The following ABCC3 variants were observed in gnomAD, a reference collection of about 807,000 sequenced individuals.
ABCC3 encodes ATP binding cassette subfamily C member 3.
ABCC3 carries 121 observed loss-of-function variants against 165.3 expected under a neutral mutation model. That is an observed-to-expected ratio of 0.73 (90% CI 0.63 to 0.85). The LOEUF (loss-of-function observed/expected upper bound fraction) is 0.85, where lower values mean the gene tolerates loss of function less well. Ranked by LOEUF, ABCC3 falls within the 40% of genes least tolerant of loss-of-function variation. The probability of loss-of-function intolerance (pLI) is 0.00; values close to 1 mark genes in which losing one functional copy is unlikely to be tolerated. For synonymous variants in ABCC3, 733 were observed against 810.1 expected (o/e 0.90, Z 1.62); for missense variants, 1,869 against 1,964.1 (o/e 0.95, Z 0.92).
chr17:50,664,139 C>T (rs569694504), intron 10 of ABCC3, 28 bp downstream of exon 10: 2 of 1,612,158 alleles, frequency 1.2e-6, no homozygotes, highest in South Asian at 2.2e-5. Flanking sequence ...ACCTCTGCCT[C>T]CTTCCTCTGA....
At position 50,676,886 on chromosome 17, in the gene ABCC3, TGGGG is replaced by T. The variant is rs3063105; in HGVS notation, c.3378+307_3378+310del. ...GACTTTCCTGTTGGCTTTTTTTTTT[TGGGG>T]GGGGGGGGACGGAATCTCGAGTCTC... On this transcript the variant is annotated intron_variant, in intron 23 of 30. Coordinates refer to ENST00000285238, the MANE Select transcript of ABCC3 (RefSeq NM_003786.4). Among the ~76,000 whole-genome samples the T allele has an allele frequency of 1.4e-3, 162 of 113,702 alleles. 2 individuals carry two copies. The highest frequency in any genetic ancestry group is 4.5e-3 in the Middle Eastern group (1 of 220). 74.6% of individuals were successfully genotyped at this position (113,702 alleles called of 152,430 possible).
Position 50,687,689 on chromosome 17 carries a change from G to A in ABCC3, c.4434G>A (p.Leu1478=). The change falls in exon 30 of 31, where the codon CTG becomes CTA. Residue 1478 remains leucine, a synonymous_variant. Coordinates refer to ENST00000285238, the MANE Select transcript of ABCC3 (RefSeq NM_003786.4). Reference sequence around the variant, plus strand: ...CCCAGTTTGATACCTGCACTGTCCTGACCATCGCACACCGGCTTAACACTA... The same window carrying A: ...CCCAGTTTGATACCTGCACTGTCCTAACCATCGCACACCGGCTTAACACTA... The part of the protein sequence containing the change: ...IRTQFDTCTV[L]TIAHRLNTIM... 1 of 1,614,220 alleles carries A rather than the reference G, an allele frequency of 6.2e-7. No homozygotes were observed. Among genetic ancestry groups the A allele is most frequent in the Non-Finnish European group, 8.5e-7 (1 of 1,180,042 alleles).
chr17:50,683,680 A>C lies in ABCC3; in HGVS notation c.3878A>C (p.Asn1293Thr). 6.2e-7 allele frequency: 1 copy of C among 1,605,922 alleles called. No homozygotes were observed. Among genetic ancestry groups the C allele is most frequent in the Non-Finnish European group, 8.5e-7 (1 of 1,176,206 alleles). ...CCACGTGGGGAGGTGGAGTTCCGGA[A>C]TTATTCTGTGCGCTACCGGCCGGGC... is the stretch of plus-strand genomic sequence containing the variant. ...WPPRGEVEFR[N>T]YSVRYRPGLD... The change falls in exon 27 of 31, where the codon AAT (asparagine) becomes ACT (threonine). Residue 1293 changes from asparagine (N) to threonine (T), a missense_variant. By Grantham distance (65) the Asn-to-Thr change is moderately conservative (BLOSUM62 0). Coordinates refer to ENST00000285238, the MANE Select transcript of ABCC3 (RefSeq NM_003786.4).
At chr17:50,659,504 T>C in intron 7 of ABCC3, 136 bp downstream of exon 7, 1 of 1,057,534 alleles carries the variant, frequency 9.5e-7, no homozygotes. Context: ...CTTGGCAGCC[T>C]CGGGACCATT....
chr17:50,672,921 C>G (rs34925102), intron 17 of ABCC3, 50 bp from the exon 18 acceptor site: 1 of 1,549,588 alleles, frequency 6.5e-7, no homozygotes, highest in Non-Finnish European at 8.8e-7. Context: ...AGGCCGTTGT[C>G]TCCCTGTGCC....
At chr17:50,655,404 C>CAAAAA (rs58586394) in intron 1 of ABCC3, among the ~76,000 whole-genome samples, 1,154 of 56,402 alleles carry the variant, frequency 0.02, 146 homozygotes, top group African/African-American at 0.033. Flanking sequence ...GACTCTGTCT[C>CAAAAA]AAAAAAAAAA....
At chr17:50,668,803 C>T (rs758114900) in intron 14 of ABCC3, 50 bp from the exon 15 acceptor site, 12 of 1,529,298 alleles carry the variant, frequency 7.8e-6, no homozygotes, top group Non-Finnish European at 1.1e-5. Context: ...CTGCAGGCTA[C>T]CCCATCCCTT....
rs565220738 is a variant in ABCC3, at chr17:50,656,982, G to A, written c.349-64G>A. 3 of 1,570,502 alleles carry A rather than the reference G, an allele frequency of 1.9e-6. No homozygotes were observed. In the East Asian group the frequency reaches 6.7e-5, roughly 35 times the overall value. ...AGAAACTTCTGGCCATGTGGGATGG[G>A]GAGAAATGGAGGCAGGTCCAGATGT... On this transcript the variant is annotated intron_variant, in intron 3 of 30. Coordinates refer to ENST00000285238, the MANE Select transcript of ABCC3 (RefSeq NM_003786.4).
Position 50,683,675 on chromosome 17 carries a change from C to G in ABCC3, c.3873C>G (p.Phe1291Leu). The G allele has an allele frequency of 1.9e-6, 3 of 1,604,292 alleles. No individual in the cohort carries two copies. Among genetic ancestry groups the G allele is most frequent in the Non-Finnish European group, 2.6e-6 (3 of 1,175,162 alleles). Reference protein sequence around the residue: ...EGWPPRGEVEFRNYSVRYRPG... With the variant: ...EGWPPRGEVELRNYSVRYRPG... ...GGCCCCCACGTGGGGAGGTGGAGTTCCGGAATTATTCTGTGCGCTACCGGC... is the reference window on the plus strand; with the variant it reads ...GGCCCCCACGTGGGGAGGTGGAGTTGCGGAATTATTCTGTGCGCTACCGGC... Residue 1291 changes from phenylalanine (F) to leucine (L), a missense_variant, in exon 27 of 31, where the codon TTC becomes TTG. Phe to Leu is a conservative substitution (Grantham distance 22, BLOSUM62 0). Coordinates refer to ENST00000285238, the MANE Select transcript of ABCC3 (RefSeq NM_003786.4).
rs1174780537 is a variant in ABCC3 at position 50,635,303 on chromosome 17, C to T, written c.45+322C>T. ...CTGGGTGAGTCGGCTCCATCCCAGC[C>T]CCTCCGTCGGGTGCGGAAGGGGCGT... On this transcript the variant is annotated intron_variant, in intron 1 of 30. Transcript: ENST00000285238. 3 of 626,170 alleles carry T rather than the reference C, an allele frequency of 4.8e-6. No individual in the cohort carries two copies. The Admixed American group carries it at 7.5e-5, about 16-fold the overall frequency. 38.8% of individuals were successfully genotyped at this position (626,170 alleles called of 1,614,324 possible). A position where few individuals can be genotyped will look rare whatever the true frequency, so the allele number is the denominator to read the frequency against.
intron 1 of ABCC3, among the ~76,000 whole-genome samples, chr17:50,636,864 C>T (rs1363890564): frequency 2.6e-5 from 4 of 152,196 alleles, no homozygotes; most frequent in African/African-American, 9.7e-5. Context: ...TTTGAAGCAG[C>T]GAGTCCAACC....
At chr17:50,682,664 C>T (rs566385411) in intron 26 of ABCC3, among the ~76,000 whole-genome samples, 19 of 152,294 alleles carry the variant, frequency 1.2e-4, no homozygotes, top group African/African-American at 3.6e-4. Flanking sequence ...CCTGACCACC[C>T]TGTATAAAGC....
At chr17:50,673,886 G>C (rs545279835) in intron 19 of ABCC3, among the ~76,000 whole-genome samples, 229 of 145,118 alleles carry the variant, frequency 1.6e-3, no homozygotes, top group African/African-American at 5.7e-3. Context: ...CCTCCGCCCC[G>C]GTCTCAGAGC....
intron 7 of ABCC3, 30 bp downstream of exon 7, chr17:50,659,398 G>T: frequency 6.3e-7 from 1 of 1,589,342 alleles, no homozygotes. Flanking sequence ...CCAACACCCA[G>T]CCCCTTCGCT....
intron 26 of ABCC3, among the ~76,000 whole-genome samples, chr17:50,681,241 C>T (rs1967923053): frequency 1.3e-5 from 2 of 152,182 alleles, no homozygotes; most frequent in African/African-American, 4.8e-5. Flanking sequence ...CTCCCTCCTG[C>T]TCAGCCATCG....
intron 26 of ABCC3, among the ~76,000 whole-genome samples, chr17:50,682,616 G>C (rs890835223): frequency 6.6e-6 from 1 of 151,896 alleles, no homozygotes; most frequent in Admixed American, 6.6e-5. Flanking sequence ...CACCTCCTTC[G>C]GGTCTTTACT....
chr17:50,663,635 C>T (rs1424549389), intron 8 of ABCC3, 46 bp from the exon 9 acceptor site: 9 of 1,599,200 alleles, frequency 5.6e-6, no homozygotes, highest in South Asian at 2.2e-5. Flanking sequence ...GAGGGAGCAG[C>T]CATGGGGGCA....
intron 1 of ABCC3, among the ~76,000 whole-genome samples, chr17:50,644,330 AAAG>A (rs2146591157): frequency 6.7e-6 from 1 of 149,086 alleles, no homozygotes; most frequent in East Asian, 2.0e-4. Context: ...AAAAAAAAAA[AAAG>A]GAAGAAGGGA....
rs1967560376 is a variant in ABCC3, at chr17:50,667,884, GT to G, written c.1658del (p.Val553GlyfsTer26). 4 of 1,614,100 alleles carry G rather than the reference GT, an allele frequency of 2.5e-6. No individual in the cohort carries two copies. The East Asian group carries it at 8.9e-5, about 36-fold the overall frequency. ...TCAGGTGACCCTGATCACCCTCTGG[GT>G]GTACGTGTACGTGGACCCAAACAAT... Reference protein sequence around the residue: ...PFLVTLITLWVYVYVDPNNVL... With the variant: ...PFLVTLITLWXYVYVDPNNVL... On this transcript the variant is annotated frameshift_variant, in exon 13 of 31. Transcript: ENST00000285238. LOFTEE classifies it high-confidence loss of function.
Sources: gnomAD v4.1 joint callset for allele counts (sites outside exome capture counted in the v4.1 genomes callset) on GRCh38, gnomAD v4.1.1 for gene constraint, MANE v1.5 for transcripts, NCBI Gene and HGNC (gene_info 2026-07-23, HGNC 2026-07-21) for gene names.